The following IQGAP1 variants were observed in gnomAD, a reference collection of about 807,000 sequenced individuals.
IQGAP1 encodes the protein IQ motif containing GTPase activating protein 1.
Under a neutral mutation model 215.6 loss-of-function variants are expected in IQGAP1, and 66 were observed. The observed-to-expected ratio is 0.31, with a 90% CI of 0.25 to 0.38. The LOEUF (loss-of-function observed/expected upper bound fraction) is 0.38. Among genes scored for constraint, IQGAP1 ranks in the 10% least tolerant of loss-of-function variants. The pLI is 1.00. For synonymous variants in IQGAP1, 772 were observed against 728.7 expected (o/e 1.06, Z -0.96); for missense variants, 1,712 against 1,997.1 (o/e 0.86, Z 2.72).
chr15:90,486,975 A>G lies in IQGAP1; in HGVS notation c.4046A>G (p.Asn1349Ser), dbSNP rs760582968. 2.5e-6 allele frequency: 4 copies of G among 1,614,142 alleles called. No individual in the cohort carries two copies. The highest frequency in any genetic ancestry group is 2.2e-5 in the South Asian group (2 of 91,076). Residue 1349 changes from asparagine to serine, a missense_variant, in exon 32 of 38, where the codon AAT becomes AGT. Asn to Ser is a conservative substitution (Grantham distance 46). This residue lies in a region of IQGAP1 where 691 missense variants were observed against 923.0 expected (regional missense o/e 0.75). Transcript: ENST00000268182. ...TCAGGGGAAAGCTCTGGCAATTTAA[A>G]TGACCCAAATAAGGAGGCACTGGCT... ...SLIGESSGNLNDPNKEALAKT... is the reference protein window; with the variant it reads ...SLIGESSGNLSDPNKEALAKT...
intron 9 of IQGAP1, among the ~76,000 whole-genome samples, chr15:90,445,960 G>C (rs1965522916): frequency 6.6e-6 from 1 of 152,000 alleles, no homozygotes; most frequent in Non-Finnish European, 1.5e-5. Context: ...AGCCTCCTGA[G>C]TGGATGACCA....
intron 4 of IQGAP1, among the ~76,000 whole-genome samples, chr15:90,433,349 G>A (rs1157235879): frequency 6.6e-6 from 1 of 152,108 alleles, no homozygotes; most frequent in Non-Finnish European, 1.5e-5. Context: ...TTGTAGTTCT[G>A]AAAGCCTCAT....
chr15:90,486,723 T>C, intron 31 of IQGAP1: 1 of 503,982 alleles, frequency 2.0e-6, no homozygotes, highest in Non-Finnish European at 3.5e-6. Flanking sequence ...AGAATTGTGA[T>C]ATTGTAGTGT....
chr15:90,482,659 C>CTTT (rs60603100), intron 28 of IQGAP1: 20 of 682,902 alleles, frequency 2.9e-5, no homozygotes, highest in Middle Eastern at 7.3e-4. Flanking sequence ...CTTCTCTTTT[C>CTTT]TTTTTTTTTT....
rs1005209127 is a variant in IQGAP1 at position 90,440,560 on chromosome 15, C to G, written c.594C>G (p.Ala198=). 6.4e-7 allele frequency: 1 copy of G among 1,571,890 alleles called. No individual in the cohort carries two copies. The highest frequency in any genetic ancestry group is 1.9e-5 in the Admixed American group (1 of 53,240). The change falls in exon 7 of 38, where the codon GCC becomes GCG. Residue 198 remains alanine, a synonymous_variant. Transcript: ENST00000268182. ...AGAAGTATGGCATCCAGATGCCTGC[C>G]TTTAGCAAGATTGGGGGCATCTTGG... ...ELEKYGIQMP[A]FSKIGGILAN...
At chr15:90,410,658 G>A (rs748397386) in intron 2 of IQGAP1, among the ~76,000 whole-genome samples, 12 of 151,408 alleles carry the variant, frequency 7.9e-5, no homozygotes, top group Non-Finnish European at 1.8e-4. Context: ...GACACAGGGT[G>A]GGGAACATCA....
At chr15:90,477,382 A>G (rs1459073664) in intron 25 of IQGAP1, 152 bp downstream of exon 25, 10 of 736,522 alleles carry the variant, frequency 1.4e-5, no homozygotes, top group Non-Finnish European at 2.2e-5. Context: ...AATAACTGAT[A>G]TAAAATCTTG....
chr15:90,452,778 T>C lies in IQGAP1; in HGVS notation c.1166T>C (p.Leu389Ser), dbSNP rs1412898673. 2.7e-5 allele frequency: 43 copies of C among 1,613,936 alleles called. No individual in the cohort carries two copies. Among genetic ancestry groups the C allele is most frequent in the Non-Finnish European group, 3.5e-5 (41 of 1,179,948 alleles). Reference protein sequence around the residue: ...NSAAQQYQRRLAAVALINAAI... With the variant: ...NSAAQQYQRRSAAVALINAAI... ...CTGACTCCTGTTTTTTACACAGGAT[T>C]GGCAGCAGTAGCACTGATTAATGCT... Residue 389 changes from leucine (L) to serine (S), a missense_variant, in exon 12 of 38, where the codon TTG becomes TCG. This residue lies in a region of IQGAP1 where 1,021 missense variants were observed against 1,074.2 expected (regional missense o/e 0.95). Transcript: ENST00000268182.
intron 3 of IQGAP1, among the ~76,000 whole-genome samples, chr15:90,428,700 T>A (rs1965261102): frequency 6.6e-6 from 1 of 152,098 alleles, no homozygotes; most frequent in South Asian, 2.1e-4. Context: ...AGAATATCGC[T>A]TGAGCCCAGG....
intron 2 of IQGAP1, among the ~76,000 whole-genome samples, chr15:90,393,202 T>C (rs765775874): frequency 1.3e-5 from 2 of 151,928 alleles, no homozygotes. Flanking sequence ...AGTCCCTTGG[T>C]ATCTGTGGGG....
chr15:90,397,111 C>T (rs919837724), intron 2 of IQGAP1, among the ~76,000 whole-genome samples: 1 of 152,124 alleles, frequency 6.6e-6, no homozygotes, highest in Non-Finnish European at 1.5e-5. Flanking sequence ...CCTCGGCCCC[C>T]GCAAAGTGCT....
In IQGAP1 at chr15:90,467,666, C is replaced by T. The variant is rs946878176; in HGVS notation, c.2178+74C>T. ...AAGCTATAATATTAATTAAGAGGAA[C>T]AGGGCATGTGGTCAGAAGCCCTAGA... On this transcript the variant is annotated intron_variant, in intron 18 of 37. Coordinates refer to ENST00000268182, the MANE Select transcript of IQGAP1 (RefSeq NM_003870.4). The T allele has an allele frequency of 8.3e-6, 12 of 1,452,846 alleles. No homozygotes were observed. In the African/African-American group the frequency reaches 1.6e-4, roughly 19 times the overall value. 90.0% of individuals were successfully genotyped at this position (1,452,846 alleles called of 1,614,324 possible). A position where few individuals can be genotyped will look rare whatever the true frequency, so the allele number is the denominator to read the frequency against.
rs146591407 is a variant in IQGAP1 at position 90,391,431 on chromosome 15, T to C, written c.155+558T>C. On this transcript the variant is annotated intron_variant, in intron 2 of 37. Coordinates refer to ENST00000268182, the MANE Select transcript of IQGAP1 (RefSeq NM_003870.4). ...TCCAGGTTTCTATTGTTCAGTCTTA[T>C]GCTTATTGTGCATGTTTTGGGCGTT... The C allele has an allele frequency of 5.9e-3, 903 of 152,472 alleles. 3 individuals are homozygous for C. Among genetic ancestry groups the C allele is most frequent in the Middle Eastern group, 0.014 (4 of 294 alleles). 9.4% of individuals were successfully genotyped at this position (152,472 alleles called of 1,614,324 possible). A position where few individuals can be genotyped will look rare whatever the true frequency, so the allele number is the denominator to read the frequency against.
Position 90,499,860 on chromosome 15 carries a change from C to G in IQGAP1, c.4861-135C>G, listed in dbSNP as rs1596297643. ...CCTAGCGTGGAACTTTTCTTTCGCC[C>G]CAGTTCACATCTGGCACACAAGGCA... On this transcript the variant is annotated intron_variant, in intron 37 of 37. Coordinates refer to ENST00000268182, the MANE Select transcript of IQGAP1 (RefSeq NM_003870.4). 8.3e-6 allele frequency: 5 copies of G among 601,868 alleles called. No homozygotes were observed. The East Asian group carries it at 1.4e-4, about 17-fold the overall frequency. The allele number at this position is 601,868 out of a possible 1,614,324, so 37.3% of individuals were successfully genotyped here.
intron 2 of IQGAP1, among the ~76,000 whole-genome samples, chr15:90,420,947 G>A (rs1320262987): frequency 6.6e-6 from 1 of 152,112 alleles, no homozygotes; most frequent in East Asian, 1.9e-4. Context: ...GAGGTCAGGA[G>A]TTCAAGGCCA....
At chr15:90,466,693 G>T (rs939838871) in intron 17 of IQGAP1, among the ~76,000 whole-genome samples, 6 of 151,106 alleles carry the variant, frequency 4.0e-5, no homozygotes, top group African/African-American at 1.5e-4. Flanking sequence ...ATCTTTCACA[G>T]AGTAGCAGTA....
intron 2 of IQGAP1, among the ~76,000 whole-genome samples, chr15:90,400,893 G>A (rs1322889561): frequency 1.3e-5 from 2 of 152,228 alleles, no homozygotes; most frequent in African/African-American, 4.8e-5. Flanking sequence ...CCAGTTGGTA[G>A]TGGAACCTGT....
intron 36 of IQGAP1, 67 bp from the exon 37 acceptor site, chr15:90,497,165 C>G: frequency 1.2e-6 from 1 of 828,928 alleles, no homozygotes; most frequent in Non-Finnish European, 2.0e-6. Flanking sequence ...TCTCCTTTCC[C>G]CATTTCACAG....
intron 15 of IQGAP1, among the ~76,000 whole-genome samples, chr15:90,458,539 A>G (rs2151026051): frequency 6.6e-6 from 1 of 152,352 alleles, no homozygotes; most frequent in African/African-American, 2.4e-5. Flanking sequence ...ACTAGCATAC[A>G]TAGAATCATT....
Sources: allele counts gnomAD v4.1 joint callset (sites outside exome capture counted in the v4.1 genomes callset), GRCh38; gene constraint gnomAD v4.1.1; regional missense constraint gnomAD v4.1.1; transcripts MANE v1.5; gene names NCBI Gene and HGNC (gene_info 2026-07-23, HGNC 2026-07-21).